Variants in MDN1 observed in about 807,000 individuals in gnomAD.
MDN1 encodes the protein midasin AAA ATPase 1.
MDN1 carries 266 observed loss-of-function variants against 669.2 expected under a neutral mutation model. That is an observed-to-expected ratio of 0.40 (90% CI 0.36 to 0.44). The LOEUF (loss-of-function observed/expected upper bound fraction) is 0.44. Ranked by LOEUF, MDN1 falls within the 20% of genes least tolerant of loss-of-function variation. MDN1 has a pLI of 1.00. For missense variants in MDN1, 5,940 were observed against 6,754.0 expected (o/e 0.88, Z 4.22); for synonymous variants, 2,385 against 2,457.1 (o/e 0.97, Z 0.87).
At chr6:89,790,482 A>T in intron 5 of MDN1, 81 bp from the exon 6 acceptor site, 1 of 1,558,744 alleles carries the variant, frequency 6.4e-7, no homozygotes. Context: ...TAAGCCTTCT[A>T]CTAACCTTAC....
intron 73 of MDN1, among the ~76,000 whole-genome samples, chr6:89,682,714 A>AAAAAAAAAAC (rs1811714828): frequency 6.9e-6 from 1 of 145,620 alleles, no homozygotes; most frequent in Non-Finnish European, 1.5e-5. Context: ...AAAAAAAAAA[A>AAAAAAAAAAC]AAAAAAAAAA....
chr6:89,664,586 C>A lies in MDN1; in HGVS notation c.14137G>T (p.Asp4713Tyr). ...TTAATATCAGATTTTGAATCAGGAT[C>A]CTCTTTGTCTTTTTCTTGACCCTTC... is the stretch of plus-strand genomic sequence containing the variant. ...FQKGQEKDKE[D>Y]PDSKSDIKGE... Residue 4713 changes from aspartate (D) to tyrosine (Y), a missense_variant, in exon 85 of 102, where the codon GAT becomes TAT. Asp to Tyr is a radical substitution (Grantham distance 160). Around this residue, in one of 5 missense-constraint regions of MDN1, gnomAD observed 2,280 missense variants for 2,576.3 expected, o/e 0.88. Transcript: ENST00000369393. The A allele has an allele frequency of 6.2e-7, 1 of 1,613,448 alleles. No individual in the cohort carries two copies. The highest frequency in any genetic ancestry group is 8.5e-7 in the Non-Finnish European group (1 of 1,179,414).
rs1811034555 is a variant in MDN1, at chr6:89,674,298, T to C, written c.13053A>G (p.Leu4351=). 1 of 1,614,108 alleles carries C rather than the reference T, an allele frequency of 6.2e-7. No individual in the cohort carries two copies. The highest frequency in any genetic ancestry group is 8.5e-7 in the Non-Finnish European group (1 of 1,180,056). Residue 4351 remains leucine, a synonymous_variant, in exon 79 of 102, where the codon CTA becomes CTG. Transcript: ENST00000369393. ...ATGGGTAGCTCAGATTGGAAGGAATTAGGTCCAGCACTACTCCACAAAGTT... is the reference window on the plus strand; with the variant it reads ...ATGGGTAGCTCAGATTGGAAGGAATCAGGTCCAGCACTACTCCACAAAGTT... ...KGQLCGVVLD[L]IPSNLSYPSP...
intron 34 of MDN1, among the ~76,000 whole-genome samples, chr6:89,731,622 A>C (rs1054341579): frequency 1.3e-5 from 2 of 152,020 alleles, no homozygotes; most frequent in Non-Finnish European, 2.9e-5. Flanking sequence ...GATGGGGGGC[A>C]AGGGGAGGGA....
At chr6:89,665,034 T>A (rs970381207) in intron 84 of MDN1, among the ~76,000 whole-genome samples, 1 of 152,192 alleles carries the variant, frequency 6.6e-6, no homozygotes, top group African/African-American at 2.4e-5. Context: ...TAAAAAATTA[T>A]TTTTTATGTT....
Position 89,696,416 on chromosome 6 carries a change from C to T in MDN1, c.9327G>A (p.Gln3109=). The T allele has an allele frequency of 6.2e-7, 1 of 1,614,132 alleles. No homozygotes were observed. Among genetic ancestry groups the T allele is most frequent in the Non-Finnish European group, 8.5e-7 (1 of 1,180,020 alleles). Residue 3109 remains glutamine, a synonymous_variant, in exon 60 of 102, where the codon CAG becomes CAA. Coordinates refer to ENST00000369393, the MANE Select transcript of MDN1 (RefSeq NM_014611.3). Reference sequence around the variant, plus strand: ...TAGTCCAAAGCATCGAACTGATGTCCTGGAGCTGCTGAGTTCTCTCAACCC... The same window carrying T: ...TAGTCCAAAGCATCGAACTGATGTCTTGGAGCTGCTGAGTTCTCTCAACCC... ...GEWVERTQQL[Q]DISSMLWTNM...
intron 27 of MDN1, among the ~76,000 whole-genome samples, chr6:89,746,611 A>AAAAAAGAAAG (rs1554191094): frequency 2.5e-5 from 1 of 40,532 alleles, no homozygotes; most frequent in African/African-American, 9.1e-5. Context: ...AAAAAAAAAA[A>AAAAAAGAAAG]AAAGAAAGAA....
At chr6:89,765,024 A>G (rs2128321492) in intron 15 of MDN1, among the ~76,000 whole-genome samples, 1 of 152,280 alleles carries the variant, frequency 6.6e-6, no homozygotes, top group East Asian at 1.9e-4. Context: ...TGGGAGGCAG[A>G]GGTGGGCGGA....
chr6:89,731,301 C>A (rs1815577012), intron 34 of MDN1, among the ~76,000 whole-genome samples: 1 of 152,178 alleles, frequency 6.6e-6, no homozygotes, highest in African/African-American at 2.4e-5. Context: ...CAAAAAATTA[C>A]TACTCATGTT....
At position 89,695,633 on chromosome 6, in the gene MDN1, T is replaced by C; in HGVS notation, c.9743A>G (p.Glu3248Gly). 1 of 1,605,254 alleles carries C rather than the reference T, an allele frequency of 6.2e-7. No individual in the cohort carries two copies. Among genetic ancestry groups the C allele is most frequent in the Non-Finnish European group, 8.5e-7 (1 of 1,173,584 alleles). The change falls in exon 61 of 102, where the codon GAG becomes GGG. Residue 3248 changes from glutamate (E) to glycine (G), a missense_variant. Physicochemically the swap from Glu to Gly is moderately conservative, Grantham distance 98 (BLOSUM62 -2). Coordinates refer to ENST00000369393, the MANE Select transcript of MDN1 (RefSeq NM_014611.3). This position sits in a 1 kb window ranked among gnomAD's most constrained non-coding sequence, Gnocchi z 4.1. ...QARFDPAVKR[E>G]YKLNYVKEEL... ...TTCCTTGACGTAATTGAGCTTGTAC[T>C]CCCTCTTCACCGCAGGGTCAAAGCG...
At position 89,790,195 on chromosome 6, in the gene MDN1, A is replaced by G; in HGVS notation, c.1062T>C (p.Leu354=). ...TCTGATCTCCAAGCTGGACTTTGAG[A>G]AGCTGAGGAGGCTTTGTTCTACCTG... ...AVTGRTKPPQ[L]LKVQLGDQTD... is the part of the protein sequence containing the mutation. Residue 354 remains leucine, a synonymous_variant, in exon 6 of 102, where the codon CTT becomes CTC. Transcript: ENST00000369393. The G allele has an allele frequency of 6.2e-7, 1 of 1,614,100 alleles. No homozygotes were observed. Among genetic ancestry groups the G allele is most frequent in the South Asian group, 1.1e-5 (1 of 91,024 alleles).
chr6:89,715,260 AAG>A (rs1355797004), intron 45 of MDN1, among the ~76,000 whole-genome samples: 1 of 152,136 alleles, frequency 6.6e-6, no homozygotes, highest in Non-Finnish European at 1.5e-5. Flanking sequence ...CCAGTTACTC[AAG>A]CCAAAAACAT....
At chr6:89,702,423 T>TC (rs1393440954) in intron 53 of MDN1, among the ~76,000 whole-genome samples, 5 of 152,270 alleles carry the variant, frequency 3.3e-5, no homozygotes, top group African/African-American at 1.2e-4. Flanking sequence ...TAGAAGAGTT[T>TC]CAGTTGTTTC....
At chr6:89,693,589 A>G (rs952430496) in intron 62 of MDN1, among the ~76,000 whole-genome samples, 1 of 152,226 alleles carries the variant, frequency 6.6e-6, no homozygotes, top group Non-Finnish European at 1.5e-5. Flanking sequence ...ACTGCCAGAC[A>G]ATATGACACT....
chr6:89,771,350 A>C (rs1452946627), intron 15 of MDN1, among the ~76,000 whole-genome samples: 1 of 152,004 alleles, frequency 6.6e-6, no homozygotes, highest in African/African-American at 2.4e-5. Flanking sequence ...CCTTAAAATT[A>C]CTTTCCTGTC....
chr6:89,659,872 A>T (rs1358195021), intron 88 of MDN1, among the ~76,000 whole-genome samples: 1 of 152,140 alleles, frequency 6.6e-6, no homozygotes, highest in Non-Finnish European at 1.5e-5. Flanking sequence ...AAATTCTTAA[A>T]ATAACTCTTA....
At chr6:89,659,138 A>G (rs540284108) in intron 88 of MDN1, among the ~76,000 whole-genome samples, 1 of 152,310 alleles carries the variant, frequency 6.6e-6, no homozygotes, top group African/African-American at 2.4e-5. Flanking sequence ...ACACTTTGGG[A>G]GGCTGAGACA....
chr6:89,729,254 T>C (rs1815422953), intron 35 of MDN1, 115 bp from the exon 36 acceptor site: 1 of 771,204 alleles, frequency 1.3e-6, no homozygotes, highest in Admixed American at 2.8e-5. Context: ...TGAAATACCA[T>C]TTGCAGTGAA....
chr6:89,663,065 C>A, intron 85 of MDN1, 98 bp from the exon 86 acceptor site: 3 of 1,368,916 alleles, frequency 2.2e-6, no homozygotes, highest in South Asian at 1.3e-5. Flanking sequence ...AAGGGCCCCA[C>A]CTGAGATTTA....
Sources: allele counts gnomAD v4.1 joint callset (sites outside exome capture counted in the v4.1 genomes callset), GRCh38; gene constraint gnomAD v4.1.1; regional missense constraint gnomAD v4.1.1; non-coding constraint Gnocchi (gnomAD v3.1); transcripts MANE v1.5; gene names NCBI Gene and HGNC (gene_info 2026-07-23, HGNC 2026-07-21).